Variants in TAF1D observed in about 807,000 individuals in gnomAD.
TAF1D encodes the protein TATA-box binding protein associated factor, RNA polymerase I subunit D.
A neutral mutation model predicts 26.2 loss-of-function variants in TAF1D; 23 were observed. That is an observed-to-expected ratio of 0.88 (90% CI 0.63 to 1.25). The LOEUF (loss-of-function observed/expected upper bound fraction) is 1.25, where lower values mean the gene tolerates loss of function less well. TAF1D is among the 50% of genes most tolerant of loss of function. The pLI, the probability that TAF1D is intolerant of heterozygous loss-of-function variation, is 0.00. For missense variants in TAF1D, 299 were observed against 322.0 expected (o/e 0.93, Z 0.55); for synonymous variants, 100 against 105.6 (o/e 0.95, Z 0.33).
chr11:93,730,537 A>C (rs760732834), exon 12 of TAF1D: 1 of 666,238 alleles, frequency 1.5e-6, no homozygotes, highest in Non-Finnish European at 2.8e-6. Context: ...AGGAAAACAT[A>C]GCACCAAACA....
chr11:93,736,921 C>G, intron 4 of TAF1D, 143 bp downstream of exon 4: 1 of 1,102,320 alleles, frequency 9.1e-7, no homozygotes, highest in Non-Finnish European at 1.3e-6. Context: ...AAGCTTGGCT[C>G]AACTGTAATA....
At chr11:93,732,735 G>A (rs1939495464), downstream of TAF1D, 1 of 229,940 alleles carries the variant, frequency 4.3e-6, no homozygotes. Context: ...TAACTTAACA[G>A]ATCAGACAAC....
rs775027510 is a variant in TAF1D, at chr11:93,736,323, A to C, written c.694-19T>G. On this transcript the variant is annotated intron_variant, in intron 5 of 5. Coordinates refer to ENST00000448108, the MANE Select transcript of TAF1D (RefSeq NM_024116.4). ...TATCCCCCTGCATAAAACAAACAAAAAATCATGGATTAAGCAATAACTCAA... is the reference window on the plus strand; with the variant it reads ...TATCCCCCTGCATAAAACAAACAAACAATCATGGATTAAGCAATAACTCAA... The C allele has an allele frequency of 1.9e-6, 3 of 1,586,920 alleles. No individual in the cohort carries two copies. The highest frequency in any genetic ancestry group is 2.6e-6 in the Non-Finnish European group (3 of 1,171,846).
downstream of TAF1D, chr11:93,732,365 G>C (rs981328448): frequency 1.9e-6 from 1 of 518,632 alleles, no homozygotes; most frequent in Non-Finnish European, 3.8e-6. Context: ...CACAAATACT[G>C]TATCAGTAGA....
intron 3 of TAF1D, 103 bp downstream of exon 3, chr11:93,738,004 CAG>C (rs781197948): frequency 4.8e-4 from 648 of 1,341,242 alleles, no homozygotes; most frequent in Non-Finnish European, 6.1e-4. Flanking sequence ...ATCAAAATTG[CAG>C]ACAGTCTGTT....
At chr11:93,734,950 A>T (rs1940381379), downstream of TAF1D, 1 of 998,632 alleles carries the variant, frequency 1.0e-6, no homozygotes, top group Non-Finnish European at 1.3e-6. Context: ...TTTTGTGGAG[A>T]TGTGTTTCTT....
intron 1 of TAF1D, among the ~76,000 whole-genome samples, chr11:93,740,433 G>GAA (rs59420824): frequency 5.4e-4 from 26 of 48,428 alleles, no homozygotes; most frequent in African/African-American, 1.8e-3. Context: ...CCTGTCTCAG[G>GAA]AAAAAAAAAA....
downstream of TAF1D, chr11:93,734,974 G>A: frequency 3.6e-6 from 4 of 1,118,478 alleles, no homozygotes; most frequent in Non-Finnish European, 4.7e-6. Context: ...TTCTTGCCTA[G>A]GCTGGTCTTG....
In TAF1D at chr11:93,737,187, T is replaced by C. The variant is rs146399876; in HGVS notation, c.512A>G (p.His171Arg). 36 of 1,610,504 alleles carry C rather than the reference T, an allele frequency of 2.2e-5. No individual in the cohort carries two copies. The highest frequency in any genetic ancestry group is 3.1e-5 in the Non-Finnish European group (36 of 1,178,656). The part of the protein sequence containing the change: ...FNYIEKLKYE[H>R]HLKESLKQMN... ...TTGCTTCAATGATTCTTTCAGGTGGTGTTCATACTTCAGTTTTTCAATATA... is the reference window on the plus strand; with the variant it reads ...TTGCTTCAATGATTCTTTCAGGTGGCGTTCATACTTCAGTTTTTCAATATA... The change falls in exon 4 of 6, where the codon CAC (histidine) becomes CGC (arginine). Residue 171 changes from histidine (H) to arginine (R), a missense_variant. His to Arg is a conservative substitution (Grantham distance 29). Transcript: ENST00000448108.
intron 3 of TAF1D, 64 bp downstream of exon 3, chr11:93,738,045 G>A: frequency 6.7e-7 from 1 of 1,492,700 alleles, no homozygotes; most frequent in Non-Finnish European, 8.9e-7. Context: ...ATTCTAAATT[G>A]GCCAACAAAT....
downstream of TAF1D, chr11:93,733,975 G>A (rs959759647): frequency 2.6e-5 from 4 of 152,484 alleles, no homozygotes; most frequent in African/African-American, 9.7e-5. Context: ...GTGCTTAGGA[G>A]CCAGAGGAAT....
Position 93,738,428 on chromosome 11 carries a change from TTTC to T in TAF1D, c.137_139del (p.Arg46del). The T allele has an allele frequency of 2.5e-6, 4 of 1,612,500 alleles. No homozygotes were observed. The highest frequency in any genetic ancestry group is 3.4e-6 in the Non-Finnish European group (4 of 1,179,664). On this transcript the variant is annotated inframe_deletion, in exon 3 of 6. Transcript: ENST00000448108. ...TGTACGAACAAATTTTCGAATGGGG[TTTC>T]TTTTCTCCCCTTTAGGTGAGTAAGG...
downstream of TAF1D, chr11:93,735,246 T>C: frequency 1.5e-6 from 2 of 1,346,732 alleles, no homozygotes; most frequent in Non-Finnish European, 2.0e-6. Context: ...AGTCCCAAAA[T>C]GCACTACATA....
At chr11:93,736,980 A>C (rs546254276) in intron 4 of TAF1D, 84 bp downstream of exon 4, 11 of 1,268,602 alleles carry the variant, frequency 8.7e-6, no homozygotes, top group Non-Finnish European at 1.2e-5. Flanking sequence ...AAGTATAACT[A>C]TATTAAAGGC....
In TAF1D at chr11:93,735,942, T is replaced by C. The variant is rs1032922601; in HGVS notation, c.*219A>G. 4 of 1,307,074 alleles carry C rather than the reference T, an allele frequency of 3.1e-6. No individual in the cohort carries two copies. Among genetic ancestry groups the C allele is most frequent in the Non-Finnish European group, 3.9e-6 (4 of 1,031,844 alleles). 81.0% of individuals were successfully genotyped at this position (1,307,074 alleles called of 1,614,324 possible). ...CAATTTCTCAAATTTTTCTATGTAT[T>C]TTCTCTGGTGTTTTAATGGTTTTTT... On this transcript the variant is annotated 3_prime_UTR_variant, in exon 6 of 6. Coordinates refer to ENST00000448108, the MANE Select transcript of TAF1D (RefSeq NM_024116.4).
rs765397020 is a variant in TAF1D at position 93,739,223 on chromosome 11, T to C, written c.68+14A>G. 10 of 1,590,206 alleles carry C rather than the reference T, an allele frequency of 6.3e-6. No individual in the cohort carries two copies. The highest frequency in any genetic ancestry group is 1.3e-5 in the African/African-American group (1 of 74,412). ...CATAATTCAGATACAATAAACATGATTGAATCCACTCACCTTCGATTTGCA... is the reference window on the plus strand; with the variant it reads ...CATAATTCAGATACAATAAACATGACTGAATCCACTCACCTTCGATTTGCA... On this transcript the variant is annotated intron_variant, in intron 2 of 5. Transcript: ENST00000448108.
At chr11:93,732,921 TAG>T (rs767225865), downstream of TAF1D, 15 of 268,696 alleles carry the variant, frequency 5.6e-5, no homozygotes, top group East Asian at 1.5e-3. Flanking sequence ...TTGGTAGGTA[TAG>T]ACATGCAGTC....
At chr11:93,736,838 T>A (rs1042644012) in intron 4 of TAF1D, 87 bp from the exon 5 acceptor site, 3 of 1,402,994 alleles carry the variant, frequency 2.1e-6, no homozygotes, top group Non-Finnish European at 2.9e-6. Flanking sequence ...TAACTGAAAC[T>A]GCAATACTAG....
At chr11:93,733,797 C>T, downstream of TAF1D, 1 of 234,192 alleles carries the variant, frequency 4.3e-6, no homozygotes, top group Non-Finnish European at 8.8e-6. Flanking sequence ...AGCTGGGGAC[C>T]ACAGGCACCA....
Sources: allele counts gnomAD v4.1 joint callset (sites outside exome capture counted in the v4.1 genomes callset), GRCh38; gene constraint gnomAD v4.1.1; transcripts MANE v1.5; gene names NCBI Gene and HGNC (gene_info 2026-07-23, HGNC 2026-07-21).